KIF26B: variants seen among roughly 807,000 people sequenced by gnomAD.
KIF26B encodes the protein kinesin-like protein KIF26B.
KIF26B carries 63 observed loss-of-function variants against 151.2 expected under a neutral mutation model. The observed-to-expected ratio is 0.42, with a 90% CI of 0.34 to 0.51. KIF26B has a LOEUF of 0.51. Ranked by LOEUF, KIF26B falls within the 20% of genes least tolerant of loss-of-function variation. The pLI is 0.07. For synonymous variants in KIF26B, 1,357 were observed against 1,262.1 expected (o/e 1.08, Z -1.59); for missense variants, 2,813 against 2,913.6 (o/e 0.97, Z 0.79).
At chr1:245,518,326 T>A (rs974398628) in intron 4 of KIF26B, among the ~76,000 whole-genome samples, 2 of 152,176 alleles carry the variant, frequency 1.3e-5, no homozygotes, top group Admixed American at 1.3e-4. Context: ...AGATCATGGG[T>A]CAATAATGGG....
At chr1:245,405,869 C>T (rs895403627) in intron 3 of KIF26B, among the ~76,000 whole-genome samples, 1 of 152,100 alleles carries the variant, frequency 6.6e-6, no homozygotes, top group Non-Finnish European at 1.5e-5. Flanking sequence ...GGTGTCAAGT[C>T]GAAACTGGAA....
intron 4 of KIF26B, among the ~76,000 whole-genome samples, chr1:245,424,227 C>T (rs1768097): frequency 0.12 from 18,975 of 152,156 alleles, 1,521 homozygotes; most frequent in African/African-American, 0.22. Flanking sequence ...GCGATCTCCG[C>T]TCGCTGCAAC....
At chr1:245,415,961 A>G (rs1674405867) in intron 3 of KIF26B, among the ~76,000 whole-genome samples, 1 of 152,064 alleles carries the variant, frequency 6.6e-6, no homozygotes, top group Non-Finnish European at 1.5e-5. Flanking sequence ...AAAGACTGTC[A>G]TATCTTAAGA....
chr1:245,506,736 A>G (rs1660734462), intron 4 of KIF26B, among the ~76,000 whole-genome samples: 1 of 152,242 alleles, frequency 6.6e-6, no homozygotes, highest in Non-Finnish European at 1.5e-5. Context: ...GCTGGAGTGC[A>G]GTGGCACAAT....
At chr1:245,627,592 A>G (rs1324880444) in intron 9 of KIF26B, among the ~76,000 whole-genome samples, 4 of 152,200 alleles carry the variant, frequency 2.6e-5, no homozygotes, top group Admixed American at 2.0e-4. Context: ...AGCAAGAGCA[A>G]ACAAATCCAA....
rs562600864 is a variant in KIF26B, at chr1:245,203,246, C to CAAAA, written c.465+46573_465+46576dup. On this transcript the variant is annotated intron_variant, in intron 2 of 14. Coordinates refer to ENST00000407071, the MANE Select transcript of KIF26B (RefSeq NM_018012.4). The stretch of plus-strand genomic sequence containing the variant: ...TGGGTGACAGAGCGCGACTCTGTCT[C>CAAAA]AAAAAAAAAAAAAGAAAATGAGTTA... Among the ~76,000 whole-genome samples, 4 of 29,572 alleles carry CAAAA rather than the reference C, an allele frequency of 1.4e-4. No individual in the cohort carries two copies. The East Asian group carries it at 2.9e-3, about 21-fold the overall frequency. The allele number at this position is 29,572 out of a possible 152,430, so 19.4% of individuals were successfully genotyped here.
chr1:245,178,275 C>T (rs1034400116), intron 2 of KIF26B, among the ~76,000 whole-genome samples: 9 of 152,036 alleles, frequency 5.9e-5, no homozygotes, highest in South Asian at 2.1e-4. Context: ...ACCGTATATC[C>T]GAGGTTGACT....
At chr1:245,214,608 G>A (rs1453275403) in intron 2 of KIF26B, among the ~76,000 whole-genome samples, 2 of 151,776 alleles carry the variant, frequency 1.3e-5, no homozygotes, top group East Asian at 3.9e-4. Context: ...AACATGTGAG[G>A]CAAGTGGATC....
At chr1:245,233,143 A>C (rs1484312586) in intron 2 of KIF26B, among the ~76,000 whole-genome samples, 4 of 152,182 alleles carry the variant, frequency 2.6e-5, no homozygotes, top group African/African-American at 9.6e-5. Context: ...AATGACAAAC[A>C]ATGTATGAGG....
chr1:245,568,555 T>A (rs531025057), intron 5 of KIF26B, among the ~76,000 whole-genome samples: 27 of 152,242 alleles, frequency 1.8e-4, no homozygotes, highest in African/African-American at 6.5e-4. Flanking sequence ...AGACATTACA[T>A]AGTTTGAGGT....
At chr1:245,638,277 A>G (rs888433328) in intron 9 of KIF26B, among the ~76,000 whole-genome samples, 7 of 151,724 alleles carry the variant, frequency 4.6e-5, no homozygotes, top group African/African-American at 1.2e-4. Context: ...ATTTCCTTTC[A>G]GATTGATCAC....
chr1:245,238,040 A>AAT lies in KIF26B; in HGVS notation c.465+81357_465+81358insAT, dbSNP rs34032750. ...GACCCTGTCTCAAAAAAAAAAAAAA[A>AAT]GTTGTTATTTGGCCAGGCATGCTGG... On this transcript the variant is annotated intron_variant, in intron 2 of 14. Coordinates refer to ENST00000407071, the MANE Select transcript of KIF26B (RefSeq NM_018012.4). Among the ~76,000 whole-genome samples the AAT allele has an allele frequency of 3.8e-3, 574 of 149,296 alleles. 2 individuals are homozygous for AAT. The highest frequency in any genetic ancestry group is 0.01 in the Middle Eastern group (3 of 288).
rs373168940 is a variant in KIF26B, at chr1:245,419,722, G to A, written c.1143G>A (p.Ser381=). 1.3e-5 allele frequency: 21 copies of A among 1,612,452 alleles called. No individual in the cohort carries two copies. The highest frequency in any genetic ancestry group is 5.0e-5 in the Admixed American group (3 of 59,786). The change falls in exon 4 of 15, where the codon TCG becomes TCA. Residue 381 remains serine, a synonymous_variant. Coordinates refer to ENST00000407071, the MANE Select transcript of KIF26B (RefSeq NM_018012.4). ...CVASETSTGT[S]VAASFFARAA... is the part of the protein sequence containing the mutation. ...CCAGCGAGACTTCCACAGGCACATC[G>A]GTGGCCGCCTCCTTCTTTGCACGGT...
chr1:245,162,375 C>CTTTTTTT lies in KIF26B; in HGVS notation c.465+5714_465+5720dup, dbSNP rs138853411. Among the ~76,000 whole-genome samples, 9 of 76,494 alleles carry CTTTTTTT rather than the reference C, an allele frequency of 1.2e-4. 1 individual carries two copies. The highest frequency in any genetic ancestry group is 4.6e-4 in the African/African-American group (9 of 19,528). The allele number at this position is 76,494 out of a possible 152,430, so 50.2% of individuals were successfully genotyped here. On this transcript the variant is annotated intron_variant, in intron 2 of 14. Transcript: ENST00000407071. ...CTATAGATGCACCCATCAGAAATATCTTTTTTTTTTTTTTTTTTTTTTTTT... is the reference window on the plus strand; with the variant it reads ...CTATAGATGCACCCATCAGAAATATCTTTTTTTTTTTTTTTTTTTTTTTTTTTTTTTT...
At chr1:245,578,037 C>T (rs1341162668) in intron 5 of KIF26B, among the ~76,000 whole-genome samples, 1 of 151,986 alleles carries the variant, frequency 6.6e-6, no homozygotes, top group Non-Finnish European at 1.5e-5. Context: ...CATCCCCTAA[C>T]CGGAAGAGCT....
chr1:245,470,621 A>G lies in KIF26B; in HGVS notation c.1166+50876A>G, dbSNP rs1038412740. On this transcript the variant is annotated intron_variant, in intron 4 of 14. Coordinates refer to ENST00000407071, the MANE Select transcript of KIF26B (RefSeq NM_018012.4). ...AATTTTTTGTATTTTTAGTAGAGACAGGGTTTCACCGAGTTAGCCAGGATG... is the reference window on the plus strand; with the variant it reads ...AATTTTTTGTATTTTTAGTAGAGACGGGGTTTCACCGAGTTAGCCAGGATG... Among the ~76,000 whole-genome samples, 49 of 151,368 alleles carry G rather than the reference A, an allele frequency of 3.2e-4. 1 individual carries two copies. Among genetic ancestry groups the G allele is most frequent in the East Asian group, 2.9e-3 (15 of 5,104 alleles).
At chr1:245,457,378 C>T (rs983746762) in intron 4 of KIF26B, among the ~76,000 whole-genome samples, 8 of 152,182 alleles carry the variant, frequency 5.3e-5, no homozygotes, top group African/African-American at 1.9e-4. Flanking sequence ...CGGAACATCA[C>T]AGAGGACAAA....
chr1:245,387,239 G>A (rs6677298), intron 3 of KIF26B, among the ~76,000 whole-genome samples: 18,552 of 149,232 alleles, frequency 0.12, 2,329 homozygotes, highest in African/African-American at 0.33. Flanking sequence ...ATCTCTGCTC[G>A]CTGCAACCTC....
At chr1:245,551,737 T>TC (rs1661884778) in intron 5 of KIF26B, among the ~76,000 whole-genome samples, 1 of 152,100 alleles carries the variant, frequency 6.6e-6, no homozygotes, top group Admixed American at 6.5e-5. Context: ...GTCTGGAGGC[T>TC]CCCAGGGTGG....
Sources: allele counts gnomAD v4.1 joint callset (sites outside exome capture counted in the v4.1 genomes callset), GRCh38; gene constraint gnomAD v4.1.1; transcripts MANE v1.5; gene names NCBI Gene and HGNC (gene_info 2026-07-23, HGNC 2026-07-21).